Variants in NCALD observed in about 807,000 individuals in gnomAD.
The protein encoded by NCALD is neurocalcin-delta.
Under a neutral mutation model 18.6 loss-of-function variants are expected in NCALD, and 10 were observed. That is an observed-to-expected ratio of 0.54 (90% confidence interval 0.33 to 0.91). NCALD has a LOEUF of 0.91. Ranked by LOEUF, NCALD falls within the 40% of genes least tolerant of loss-of-function variation. The pLI is 0.03. For synonymous variants in NCALD, 88 were observed against 87.4 expected, an observed-to-expected ratio of 1.01 and a Z score of -0.04; for missense variants, 184 against 247.6, an observed-to-expected ratio of 0.74 and a Z score of 1.72.
At chr8:101,795,952 T>C (rs145775950), upstream of NCALD, among the ~76,000 whole-genome samples, 1,125 of 152,202 alleles carry the variant, frequency 7.4e-3, 8 homozygotes, top group Middle Eastern at 0.041. Flanking sequence ...GGACAAGAAG[T>C]GAAGCACAAA....
intron 1 of NCALD, among the ~76,000 whole-genome samples, chr8:102,049,577 A>G (rs888156273): frequency 6.6e-6 from 1 of 152,170 alleles, no homozygotes; most frequent in Admixed American, 6.5e-5. Flanking sequence ...TCGCTAGATT[A>G]TATGGTTTGA....
intron 3 of NCALD, among the ~76,000 whole-genome samples, chr8:101,909,241 C>T (rs533566762): frequency 7.2e-5 from 11 of 152,260 alleles, no homozygotes; most frequent in African/African-American, 1.9e-4. Flanking sequence ...TTCAATTTTT[C>T]GACCACATTT....
chr8:102,002,741 C>T lies in NCALD; in HGVS notation c.-157+17496G>A, dbSNP rs12040535. Among the ~76,000 whole-genome samples, 677 of 152,286 alleles carry T rather than the reference C, an allele frequency of 4.4e-3. 2 individuals carry two copies. Among genetic ancestry groups the T allele is most frequent in the African/African-American group, 0.014 (601 of 41,554 alleles). ...AAGAAACGCATTCAAAACCGCTCAACTACATGGAAACTGAACAACCTGCTC... is the reference window on the plus strand; with the variant it reads ...AAGAAACGCATTCAAAACCGCTCAATTACATGGAAACTGAACAACCTGCTC... On this transcript the variant is annotated intron_variant, in intron 2 of 6. Transcript: ENST00000311028.
chr8:101,691,251 C>G (rs1814716973), intron 3 of NCALD: 1 of 975,300 alleles, frequency 1.0e-6, no homozygotes, highest in Admixed American at 6.3e-5. Flanking sequence ...ACAGCTCCCA[C>G]CCCCCTCTCC....
intron 1 of NCALD, among the ~76,000 whole-genome samples, chr8:102,032,086 A>G (rs1822693363): frequency 6.6e-6 from 1 of 152,164 alleles, no homozygotes; most frequent in Non-Finnish European, 1.5e-5. Flanking sequence ...TGATGACCAT[A>G]TGAGCTGAGC....
chr8:101,961,600 A>G (rs1184710658), intron 2 of NCALD, among the ~76,000 whole-genome samples: 1 of 151,966 alleles, frequency 6.6e-6, no homozygotes, highest in Non-Finnish European at 1.5e-5. Context: ...TGCTAACTAT[A>G]CTTTTATTTT....
At chr8:101,818,026 C>T (rs1425623485) in intron 4 of NCALD, among the ~76,000 whole-genome samples, 1 of 152,150 alleles carries the variant, frequency 6.6e-6, no homozygotes, top group Admixed American at 6.6e-5. Flanking sequence ...TGAAGTCAGG[C>T]TTTCCAGCTG....
At chr8:101,894,660 AT>A (rs1170115431) in intron 3 of NCALD, among the ~76,000 whole-genome samples, 8 of 150,664 alleles carry the variant, frequency 5.3e-5, no homozygotes, top group African/African-American at 2.0e-4. Flanking sequence ...AATAGACACA[AT>A]AAAAAATGAT....
chr8:102,076,713 C>CG (rs143733046), intron 1 of NCALD, among the ~76,000 whole-genome samples: 16 of 151,926 alleles, frequency 1.1e-4, no homozygotes, highest in African/African-American at 3.9e-4. Flanking sequence ...AACCATGTAC[C>CG]CAAATGCTGG....
At chr8:101,865,874 CTG>C (rs1028018481) in intron 4 of NCALD, among the ~76,000 whole-genome samples, 1 of 152,132 alleles carries the variant, frequency 6.6e-6, no homozygotes, top group African/African-American at 2.4e-5. Context: ...GAGCCACAGA[CTG>C]TCTTATTTTT....
intron 4 of NCALD, among the ~76,000 whole-genome samples, chr8:101,839,138 A>G (rs1232525591): frequency 6.6e-6 from 1 of 152,208 alleles, no homozygotes; most frequent in Non-Finnish European, 1.5e-5. Flanking sequence ...CTTGCCTTCA[A>G]AGAGTTCACA....
At chr8:101,837,711 T>C (rs897996764) in intron 4 of NCALD, among the ~76,000 whole-genome samples, 3 of 152,132 alleles carry the variant, frequency 2.0e-5, no homozygotes, top group African/African-American at 7.2e-5. Context: ...AAAATAACCA[T>C]GCCCAGGGAA....
intron 1 of NCALD, among the ~76,000 whole-genome samples, chr8:102,058,301 CG>C (rs1554588010): frequency 3.9e-5 from 6 of 152,146 alleles, no homozygotes; most frequent in Non-Finnish European, 8.8e-5. Context: ...TATTGAAAAG[CG>C]TATCTATTGC....
At chr8:101,860,415 T>C (rs1054397631) in intron 4 of NCALD, among the ~76,000 whole-genome samples, 1 of 152,162 alleles carries the variant, frequency 6.6e-6, no homozygotes, top group Admixed American at 6.5e-5. Flanking sequence ...CACTCCTGAT[T>C]GACACAGGAG....
rs983560789 is a variant in NCALD at position 101,822,954 on chromosome 8, C to T, written c.-20+64187G>A. ...TGGCTTCTGTTTTCCTGAGTAGACC[C>T]TTACTGATGCAATTAATCAAGGAGT... On this transcript the variant is annotated intron_variant, in intron 4 of 6. Transcript: ENST00000311028. Among the ~76,000 whole-genome samples the T allele has an allele frequency of 1.8e-4, 27 of 152,186 alleles. 1 individual carries two copies. Among genetic ancestry groups the T allele is most frequent in the African/African-American group, 6.3e-4 (26 of 41,442 alleles).
At chr8:101,839,732 GAAT>G (rs1814562507) in intron 4 of NCALD, among the ~76,000 whole-genome samples, 1 of 152,122 alleles carries the variant, frequency 6.6e-6, no homozygotes, top group Non-Finnish European at 1.5e-5. Flanking sequence ...AATGTCTTTA[GAAT>G]AAATCAAGCC....
intron 2 of NCALD, among the ~76,000 whole-genome samples, chr8:101,922,954 A>C (rs1818216929): frequency 6.6e-6 from 1 of 152,178 alleles, no homozygotes; most frequent in East Asian, 1.9e-4. Flanking sequence ...ATCTTATTGT[A>C]ACTGTACCTA....
At chr8:101,914,371 C>A (rs1817906156) in intron 3 of NCALD, among the ~76,000 whole-genome samples, 1 of 152,204 alleles carries the variant, frequency 6.6e-6, no homozygotes, top group Non-Finnish European at 1.5e-5. Flanking sequence ...GTACCTACTA[C>A]CAATGTGACC....
intron 2 of NCALD, among the ~76,000 whole-genome samples, chr8:101,712,587 CAAAA>C (rs201729096): frequency 5.1e-5 from 4 of 78,906 alleles, no homozygotes; most frequent in Non-Finnish European, 2.5e-5. Context: ...AAATGGAAAG[CAAAA>C]AAAAAAAAAA....
Sources: allele counts gnomAD v4.1 joint callset (sites outside exome capture counted in the v4.1 genomes callset), GRCh38; gene constraint gnomAD v4.1.1; transcripts MANE v1.5; gene names NCBI Gene and HGNC (gene_info 2026-07-23, HGNC 2026-07-21).